CYTH3: variants seen among roughly 807,000 people sequenced by gnomAD.
The protein encoded by CYTH3 is cytohesin-3.
A neutral mutation model predicts 55.1 loss-of-function variants in CYTH3; 23 were observed. The observed-to-expected ratio is 0.42, with a 90% CI of 0.30 to 0.59. The LOEUF is 0.59. CYTH3 is among the 20% of genes least tolerant of loss of function. The probability of loss-of-function intolerance (pLI) is 0.20; values close to 1 mark genes in which losing one functional copy is unlikely to be tolerated. For synonymous variants in CYTH3, 249 were observed against 194.9 expected, an observed-to-expected ratio of 1.28 and a Z score of -2.31; for missense variants, 413 against 524.8, an observed-to-expected ratio of 0.79 and a Z score of 2.08.
intron 1 of CYTH3, among the ~76,000 whole-genome samples, chr7:6,254,808 G>A (rs1780059011): frequency 6.6e-6 from 1 of 152,196 alleles, no homozygotes; most frequent in South Asian, 2.1e-4. Context: ...GTAATACAAA[G>A]ACAGACAAGC....
At position 6,162,860 on chromosome 7, in the gene CYTH3, G is replaced by C. The variant is rs1056479893; in HGVS notation, c.*2084C>G. The C allele has an allele frequency of 2.6e-5, 4 of 152,676 alleles. No individual in the cohort carries two copies. In the East Asian group the frequency reaches 7.7e-4, roughly 29 times the overall value. 9.5% of individuals were successfully genotyped at this position (152,676 alleles called of 1,614,324 possible). A position where few individuals can be genotyped will look rare whatever the true frequency, so the allele number is the denominator to read the frequency against. ...GTCAGAAGAAGGAAACAGCTTGTCC[G>C]AGCACAACATGCTGACAGAGCTGGC... On this transcript the variant is annotated 3_prime_UTR_variant, in exon 13 of 13. Coordinates refer to ENST00000350796, the MANE Select transcript of CYTH3 (RefSeq NM_004227.4).
chr7:6,231,324 G>C (rs1309462537), intron 1 of CYTH3, among the ~76,000 whole-genome samples: 1 of 152,226 alleles, frequency 6.6e-6, no homozygotes, highest in Non-Finnish European at 1.5e-5. Context: ...ACCAAGAGTG[G>C]GGACTGGGAG....
At chr7:6,174,785 G>A (rs912579111) in intron 5 of CYTH3, among the ~76,000 whole-genome samples, 6 of 151,972 alleles carry the variant, frequency 3.9e-5, no homozygotes, top group Non-Finnish European at 8.8e-5. Flanking sequence ...CTAACCTCGT[G>A]ATCCACCCAC....
At chr7:6,187,754 TG>T in intron 2 of CYTH3, 33 bp from the exon 3 acceptor site, 1 of 1,590,234 alleles carries the variant, frequency 6.3e-7, no homozygotes, top group Non-Finnish European at 8.6e-7. Flanking sequence ...AGGTGGGGAG[TG>T]GGTCTTAACC....
chr7:6,263,171 G>A (rs993320901), intron 1 of CYTH3, among the ~76,000 whole-genome samples: 2 of 152,026 alleles, frequency 1.3e-5, no homozygotes, highest in African/African-American at 4.8e-5. Flanking sequence ...ATGTACCCCT[G>A]AACCTAATAT....
chr7:6,249,139 G>C (rs189726636), intron 1 of CYTH3, among the ~76,000 whole-genome samples: 29 of 152,256 alleles, frequency 1.9e-4, no homozygotes, highest in Non-Finnish European at 3.5e-4. Flanking sequence ...GTTGCGTGTA[G>C]GTAACTTTTC....
At chr7:6,179,279 T>C (rs1783417828) in intron 4 of CYTH3, among the ~76,000 whole-genome samples, 1 of 152,116 alleles carries the variant, frequency 6.6e-6, no homozygotes, top group African/African-American at 2.4e-5. Context: ...GTATTTCAGT[T>C]CCATTCACAG....
chr7:6,178,204 G>A (rs1783396075), intron 4 of CYTH3, among the ~76,000 whole-genome samples: 3 of 152,238 alleles, frequency 2.0e-5, no homozygotes, highest in Non-Finnish European at 4.4e-5. Flanking sequence ...ATTACAGGTG[G>A]TTATTAGAAA....
At chr7:6,182,230 A>T (rs1160687285) in intron 4 of CYTH3, among the ~76,000 whole-genome samples, 1 of 151,968 alleles carries the variant, frequency 6.6e-6, no homozygotes, top group Non-Finnish European at 1.5e-5. Context: ...TTCTATTTTT[A>T]GTAGAGATGG....
chr7:6,268,658 CA>C (rs1419989695), intron 1 of CYTH3, among the ~76,000 whole-genome samples: 10 of 152,082 alleles, frequency 6.6e-5, no homozygotes, highest in African/African-American at 1.9e-4. Context: ...CACACGTGTA[CA>C]AATATATCTG....
chr7:6,230,393 G>T (rs1384485352), intron 1 of CYTH3, among the ~76,000 whole-genome samples: 4 of 152,096 alleles, frequency 2.6e-5, no homozygotes, highest in Non-Finnish European at 5.9e-5. Context: ...CAGGGAAAAG[G>T]GAACTTAAGC....
chr7:6,184,040 C>T (rs897051555), intron 4 of CYTH3, among the ~76,000 whole-genome samples: 3 of 149,154 alleles, frequency 2.0e-5, no homozygotes, highest in African/African-American at 4.9e-5. Flanking sequence ...TTACGCACCC[C>T]CTCTGTGGCT....
chr7:6,198,774 TAAA>T (rs57184967), intron 1 of CYTH3, among the ~76,000 whole-genome samples: 2 of 136,828 alleles, frequency 1.5e-5, no homozygotes, highest in African/African-American at 5.1e-5. Flanking sequence ...ATAAAGCTGC[TAAA>T]AAAAAAAAAA....
chr7:6,249,237 T>A (rs1490182055), intron 1 of CYTH3, among the ~76,000 whole-genome samples: 1 of 152,090 alleles, frequency 6.6e-6, no homozygotes, highest in Non-Finnish European at 1.5e-5. Flanking sequence ...CTCTTGGGGA[T>A]GAAAAAGATA....
chr7:6,243,642 C>A (rs1233476184), intron 1 of CYTH3, among the ~76,000 whole-genome samples: 1 of 152,128 alleles, frequency 6.6e-6, no homozygotes, highest in African/African-American at 2.4e-5. Flanking sequence ...GCTTCTTCTG[C>A]GTATAATTAA....
chr7:6,202,664 T>C (rs903402716), intron 1 of CYTH3, among the ~76,000 whole-genome samples: 45 of 152,212 alleles, frequency 3.0e-4, no homozygotes, highest in African/African-American at 1.1e-3. Flanking sequence ...GGTTTCTCCA[T>C]GTTAGGCTCA....
chr7:6,188,535 G>A (rs1783716347), intron 2 of CYTH3, among the ~76,000 whole-genome samples: 1 of 151,894 alleles, frequency 6.6e-6, no homozygotes, highest in African/African-American at 2.4e-5. Context: ...AAGCTCAGGT[G>A]TGTTTAGGTC....
chr7:6,176,095 A>AT (rs1198759602), intron 5 of CYTH3, among the ~76,000 whole-genome samples: 23 of 151,264 alleles, frequency 1.5e-4, no homozygotes, highest in Admixed American at 1.5e-3. Flanking sequence ...AGGTCTTTTC[A>AT]TTTTTTTCAA....
chr7:6,270,088 C>T (rs1308359697), intron 1 of CYTH3, among the ~76,000 whole-genome samples: 2 of 152,102 alleles, frequency 1.3e-5, no homozygotes, highest in Admixed American at 1.3e-4. Flanking sequence ...TTTTTTTAAA[C>T]ATGAATTTTA....
Sources: gnomAD v4.1 joint callset for allele counts (sites outside exome capture counted in the v4.1 genomes callset) on GRCh38, gnomAD v4.1.1 for gene constraint, MANE v1.5 for transcripts, NCBI Gene and HGNC (gene_info 2026-07-23, HGNC 2026-07-21) for gene names.